The following CFAP99 variants were observed in gnomAD, a reference collection of about 807,000 sequenced individuals.
CFAP99 encodes cilia- and flagella-associated protein 99.
In CFAP99, 84 loss-of-function variants were observed where a neutral mutation model predicts 82.7. The observed-to-expected ratio is 1.02, with a 90% CI of 0.85 to 1.22. The LOEUF (loss-of-function observed/expected upper bound fraction) is 1.22. Among genes scored for constraint, CFAP99 ranks in the 50% most tolerant of loss-of-function variants. The pLI, the probability that CFAP99 is intolerant of heterozygous loss-of-function variation, is 0.00. For synonymous variants in CFAP99, 456 were observed against 429.5 expected (o/e 1.06, Z -0.76); for missense variants, 1,059 against 983.5 (o/e 1.08, Z -1.03).
chr4:2,420,081 T>C (rs1733531621), intron 1 of CFAP99, among the ~76,000 whole-genome samples: 1 of 151,940 alleles, frequency 6.6e-6, no homozygotes, highest in African/African-American at 2.4e-5. Context: ...CATCCTCACT[T>C]GGCTGAAACA....
In CFAP99 at chr4:2,426,504, C is replaced by T. The variant is rs955512078; in HGVS notation, c.29C>T (p.Thr10Ile). Residue 10 changes from threonine to isoleucine, a missense_variant, in exon 2 of 15, where the codon ACT (threonine) becomes ATT (isoleucine). Thr to Ile is a moderately conservative substitution (Grantham distance 89). Coordinates refer to ENST00000635017, the Ensembl canonical transcript of CFAP99. ...GCCTACTATGGAAAATGCATTGAAA[C>T]TGTGATCGAGCAACTCGACAAATTT... The T allele has an allele frequency of 6.5e-7, 1 of 1,535,890 alleles. No homozygotes were observed. The highest frequency in any genetic ancestry group is 1.4e-5 in the African/African-American group (1 of 73,022).
chr4:2,452,244 G>C, exon 11 of CFAP99: 1 of 1,536,142 alleles, frequency 6.5e-7, no homozygotes, highest in Non-Finnish European at 8.7e-7. Context: ...CTGCAAGCGA[G>C]TGCCGGCGGT....
exon 14 of CFAP99, chr4:2,460,216 A>T: frequency 2.0e-6 from 3 of 1,536,050 alleles, no homozygotes; most frequent in Non-Finnish European, 2.6e-6. Context: ...TGTGCCGTGC[A>T]GCCATGGGGA....
At chr4:2,458,669 G>C in intron 11 of CFAP99, 54 bp from the exon 12 acceptor site, 1 of 1,502,486 alleles carries the variant, frequency 6.7e-7, no homozygotes, top group Non-Finnish European at 8.9e-7. Context: ...GGCGGGACCA[G>C]GCAGGGAAGC....
intron 12 of CFAP99, 120 bp from the exon 13 acceptor site, chr4:2,458,987 C>T: frequency 6.9e-7 from 1 of 1,446,200 alleles, no homozygotes; most frequent in Non-Finnish European, 9.1e-7. Flanking sequence ...GAGGGAGGCA[C>T]TCCCAGGTGG....
At position 2,445,394 on chromosome 4, in the gene CFAP99, G is replaced by T. The variant is rs552262745; in HGVS notation, c.642+86G>T. On this transcript the variant is annotated intron_variant, in intron 6 of 14. Transcript: ENST00000635017. ...GAGTGGACTGTGTGGGCCTGTGGGG[G>T]ACTGGGCTCCCCCCAGGGCTGAGGG... The T allele has an allele frequency of 3.1e-3, 3,672 of 1,174,396 alleles. 9 individuals are homozygous for T. The highest frequency in any genetic ancestry group is 3.6e-3 in the Non-Finnish European group (3,364 of 929,938). The allele number at this position is 1,174,396 out of a possible 1,614,324, so 72.7% of individuals were successfully genotyped here. A position where few individuals can be genotyped will look rare whatever the true frequency, so the allele number is the denominator to read the frequency against.
At chr4:2,457,698 C>T in intron 11 of CFAP99, among the ~76,000 whole-genome samples, 1 of 152,256 alleles carries the variant, frequency 6.6e-6, no homozygotes, top group Non-Finnish European at 1.5e-5. Context: ...GCTTGCCAAA[C>T]ACCTATCCCT....
intron 1 of CFAP99, among the ~76,000 whole-genome samples, chr4:2,422,250 C>T (rs1419489130): frequency 2.0e-5 from 3 of 152,184 alleles, no homozygotes; most frequent in African/African-American, 4.8e-5. Flanking sequence ...ACCTGCTCTG[C>T]GCCAGATTCA....
rs1168313333 is a variant in CFAP99 at position 2,446,928 on chromosome 4, A to G, written c.642+1620A>G. On this transcript the variant is annotated intron_variant, in intron 6 of 14. Coordinates refer to ENST00000635017, the Ensembl canonical transcript of CFAP99. This position sits in a 1 kb window ranked among gnomAD's most constrained non-coding sequence, Gnocchi z 5.0. ...AAATGAATGGATGGGTATGTGGGTA[A>G]GTGGGTGGATGGATGTCAAATGGAT... 6.6e-6 allele frequency among the ~76,000 whole-genome samples: 1 copy of G among 151,570 alleles called. No homozygotes were observed. The highest frequency in any genetic ancestry group is 1.5e-5 in the Non-Finnish European group (1 of 67,940).
chr4:2,434,613 G>T (rs1208580445), intron 2 of CFAP99, among the ~76,000 whole-genome samples: 1 of 152,246 alleles, frequency 6.6e-6, no homozygotes. Context: ...TCAGAGCACT[G>T]CAGGGAGCAG....
chr4:2,443,389 T>G (rs1446418356), intron 5 of CFAP99, 147 bp downstream of exon 5: 3 of 629,204 alleles, frequency 4.8e-6, no homozygotes, highest in African/African-American at 1.8e-5. Context: ...GGATGAGATC[T>G]TCGGAGAAGC....
chr4:2,437,018 G>A (rs772196867), exon 3 of CFAP99: 14 of 1,536,016 alleles, frequency 9.1e-6, no homozygotes, highest in Non-Finnish European at 1.2e-5. Flanking sequence ...CCGCTTCGAG[G>A]GTAGGTGCCT....
Position 2,438,010 on chromosome 4 carries a change from CGCCGTGT to C in CFAP99, c.257-56_257-50del, listed in dbSNP as rs1284429280. 4.4e-5 allele frequency: 45 copies of C among 1,026,550 alleles called. No individual in the cohort carries two copies. The Admixed American group carries it at 9.6e-4, about 22-fold the overall frequency. 63.6% of individuals were successfully genotyped at this position (1,026,550 alleles called of 1,614,324 possible). ...CGGTGGAGGCCTTCGGCTCCGGTCC[CGCCGTGT>C]GCCTGGTGCCCCGTGACGTCCCTTA... On this transcript the variant is annotated intron_variant, in intron 3 of 14. Transcript: ENST00000635017.
chr4:2,450,007 TA>T lies in CFAP99; in HGVS notation c.795+3del. The T allele has an allele frequency of 6.5e-7, 1 of 1,536,034 alleles. No homozygotes were observed. The highest frequency in any genetic ancestry group is 8.7e-7 in the Non-Finnish European group (1 of 1,146,824). On this transcript the variant is annotated splice_donor_region_variant and intron_variant, in intron 8 of 14. Transcript: ENST00000635017. ...AGGTCCTGCAGGGAGCGAGTGCAGGTACCGCCCAGCTCTCTCAAGACCCATC... is the reference window on the plus strand; with the variant it reads ...AGGTCCTGCAGGGAGCGAGTGCAGGTCCGCCCAGCTCTCTCAAGACCCATC...
chr4:2,447,002 G>A (rs557780087), intron 6 of CFAP99, among the ~76,000 whole-genome samples: 30 of 151,504 alleles, frequency 2.0e-4, no homozygotes, highest in Non-Finnish European at 2.4e-4. Flanking sequence ...ATGGGTGGGC[G>A]AATGAATGGA....
intron 8 of CFAP99, chr4:2,450,405 C>G: frequency 3.4e-6 from 1 of 296,552 alleles, no homozygotes; most frequent in South Asian, 3.6e-5. Flanking sequence ...GGAGCACGGC[C>G]CCGCTGGGTG....
chr4:2,461,733 G>A (rs1412874464), intron 14 of CFAP99, among the ~76,000 whole-genome samples: 1 of 152,140 alleles, frequency 6.6e-6, no homozygotes, highest in African/African-American at 2.4e-5. Flanking sequence ...GTGGAGACAG[G>A]GAACAGCACA....
chr4:2,457,130 T>G (rs1044265209), intron 11 of CFAP99, among the ~76,000 whole-genome samples: 1 of 151,906 alleles, frequency 6.6e-6, no homozygotes, highest in Non-Finnish European at 1.5e-5. Flanking sequence ...TTTTGTATTT[T>G]CTGTAGAGAC....
At chr4:2,421,684 A>G (rs147910829) in intron 1 of CFAP99, among the ~76,000 whole-genome samples, 1 of 152,252 alleles carries the variant, frequency 6.6e-6, no homozygotes, top group East Asian at 1.9e-4. Context: ...CTTAAATATA[A>G]GATAGTCAAG....
Sources: gnomAD v4.1 joint callset for allele counts (sites outside exome capture counted in the v4.1 genomes callset) on GRCh38, gnomAD v4.1.1 for gene constraint, Gnocchi (gnomAD v3.1) non-coding constraint, MANE v1.5 for transcripts, NCBI Gene and HGNC (gene_info 2026-07-23, HGNC 2026-07-21) for gene names.